MAP3K13: variants seen among roughly 807,000 people sequenced by gnomAD.
MAP3K13 encodes the protein leucine zipper-bearing kinase.
Under a neutral mutation model 104.0 loss-of-function variants are expected in MAP3K13, and 52 were observed. The ratio of observed to expected loss-of-function variants is 0.50; its 90% CI spans 0.40 to 0.63. The LOEUF is 0.63. MAP3K13 is among the 20% of genes least tolerant of loss of function. The probability of loss-of-function intolerance (pLI) is 0.00; values close to 1 mark genes in which losing one functional copy is unlikely to be tolerated. For missense variants in MAP3K13, 914 were observed against 1,218.5 expected, an observed-to-expected ratio of 0.75 and a Z score of 3.72; for synonymous variants, 394 against 442.2, an observed-to-expected ratio of 0.89 and a Z score of 1.37.
intron 4 of MAP3K13, among the ~76,000 whole-genome samples, chr3:185,443,999 C>T (rs921786816): frequency 6.6e-6 from 1 of 152,160 alleles, no homozygotes. Flanking sequence ...ACTTTTTAAA[C>T]TGAGTTTCAG....
At chr3:185,376,890 G>C (rs1044037450) in intron 1 of MAP3K13, among the ~76,000 whole-genome samples, 1 of 152,162 alleles carries the variant, frequency 6.6e-6, no homozygotes, top group South Asian at 2.1e-4. Context: ...AATGGGGGCT[G>C]TCTGTGAAGC....
intron 2 of MAP3K13, among the ~76,000 whole-genome samples, chr3:185,311,837 A>C (rs1174989961): frequency 6.6e-6 from 1 of 152,356 alleles, no homozygotes; most frequent in East Asian, 1.9e-4. Flanking sequence ...TAAAAGAAAA[A>C]AAAGGAAACA....
chr3:185,443,668 T>C (rs574698720), intron 4 of MAP3K13, 32 bp downstream of exon 4: 3 of 1,592,802 alleles, frequency 1.9e-6, no homozygotes, highest in Non-Finnish European at 2.6e-6. Flanking sequence ...TCAGCTATTT[T>C]GGTTTGTTGT....
intron 2 of MAP3K13, among the ~76,000 whole-genome samples, chr3:185,355,592 G>A (rs934471857): frequency 3.3e-5 from 5 of 152,110 alleles, no homozygotes; most frequent in Non-Finnish European, 5.9e-5. Flanking sequence ...CTGAGATCAC[G>A]CTGCTGTACT....
intron 1 of MAP3K13, among the ~76,000 whole-genome samples, chr3:185,378,005 G>T (rs573618935): frequency 3.5e-4 from 53 of 151,656 alleles, no homozygotes; most frequent in East Asian, 7.7e-4. Flanking sequence ...AGCTCCTGGG[G>T]TGGGGGGAGG....
chr3:185,384,705 G>C (rs1272158776), intron 1 of MAP3K13, among the ~76,000 whole-genome samples: 1 of 152,124 alleles, frequency 6.6e-6, no homozygotes, highest in African/African-American at 2.4e-5. Flanking sequence ...GGTAGTTAGT[G>C]ATGCTGAGCA....
In MAP3K13 at chr3:185,345,730, A is replaced by G. The variant is rs147902865; in HGVS notation, c.-86+60087A>G. Among the ~76,000 whole-genome samples, 486 of 152,248 alleles carry G rather than the reference A, an allele frequency of 3.2e-3. 3 individuals carry two copies. The highest frequency in any genetic ancestry group is 0.011 in the African/African-American group (451 of 41,532). ...AGCACAGGGCTCCCACTGATTCTAC[A>G]TTACTGTGAGTTGTGTAATTATTTC... On this transcript the variant is annotated intron_variant, in intron 2 of 14. Coordinates refer to the MAP3K13 transcript ENST00000424227.
At chr3:185,444,512 A>G (rs1382571139) in intron 4 of MAP3K13, among the ~76,000 whole-genome samples, 2 of 152,340 alleles carry the variant, frequency 1.3e-5, no homozygotes, top group Non-Finnish European at 2.9e-5. Context: ...GGAAATAAAC[A>G]ATTACAAGGT....
chr3:185,465,990 C>T (rs954216475), intron 9 of MAP3K13, 127 bp downstream of exon 9: 1 of 737,738 alleles, frequency 1.4e-6, no homozygotes, highest in African/African-American at 1.7e-5. Context: ...AACATTCCTT[C>T]CGGGATGTGC....
intron 4 of MAP3K13, among the ~76,000 whole-genome samples, chr3:185,445,076 C>A (rs1307634044): frequency 2.0e-5 from 1 of 49,206 alleles, no homozygotes; most frequent in African/African-American, 3.9e-5. Context: ...TTTATAATAT[C>A]TTAGGGGGAA....
chr3:185,422,154 A>G (rs980874289), intron 1 of MAP3K13, among the ~76,000 whole-genome samples: 4 of 152,168 alleles, frequency 2.6e-5, no homozygotes, highest in Non-Finnish European at 5.9e-5. Context: ...TTCCTTGGGA[A>G]TAGTTTTAGT....
In MAP3K13 at chr3:185,473,139, C is replaced by A. The variant is rs2148923120; in HGVS notation, c.1808C>A (p.Ala603Asp). 6.2e-7 allele frequency: 1 copy of A among 1,614,156 alleles called. No individual in the cohort carries two copies. Among genetic ancestry groups the A allele is most frequent in the South Asian group, 1.1e-5 (1 of 91,076 alleles). The change falls in exon 11 of 14, where the codon GCC becomes GAC. Residue 603 changes from alanine to aspartate, a missense_variant. Ala to Asp is a moderately radical substitution (Grantham distance 126). This residue lies in a region of MAP3K13 where 583 missense variants were observed against 737.4 expected (regional missense o/e 0.79). Coordinates refer to ENST00000265026, the MANE Select transcript of MAP3K13 (RefSeq NM_004721.5). This position sits in a 1 kb window ranked among gnomAD's most constrained non-coding sequence, Gnocchi z 4.9. Reference protein sequence around the residue: ...GNSRGSHSDFAAILKNQPAQE... With the variant: ...GNSRGSHSDFDAILKNQPAQE... ...AGCAGAGGCAGCCATAGTGACTTTG[C>A]CGCAATCTTGAAAAACCAGCCAGCC...
intron 2 of MAP3K13, among the ~76,000 whole-genome samples, chr3:185,312,802 A>G (rs558187867): frequency 2.0e-5 from 3 of 152,354 alleles, no homozygotes; most frequent in African/African-American, 7.2e-5. Flanking sequence ...AAGCAGCATG[A>G]TTATTAGAAG....
rs1718534725 is a variant in MAP3K13 at position 185,482,696 on chromosome 3, A to G, written c.*240A>G. The G allele has an allele frequency of 9.0e-6, 4 of 443,066 alleles. No homozygotes were observed. The South Asian group carries it at 1.6e-4, about 17-fold the overall frequency. The allele number at this position is 443,066 out of a possible 1,614,324, so 27.4% of individuals were successfully genotyped here. On this transcript the variant is annotated 3_prime_UTR_variant, in exon 14 of 14. Transcript: ENST00000265026. The surrounding 1 kb of genome is among the most constrained non-coding windows in gnomAD (Gnocchi z 4.5). ...TTTCAATCAAGAATGGCAGGGATCT[A>G]TTTTATTGAATATTCTAGCTACTGT...
intron 3 of MAP3K13, among the ~76,000 whole-genome samples, 191 bp downstream of exon 3, chr3:185,437,821 T>A (rs564911292): frequency 6.6e-6 from 1 of 152,220 alleles, no homozygotes; most frequent in Non-Finnish European, 1.5e-5. Flanking sequence ...ATCCAGTGGT[T>A]CATTTTGCCG....
At chr3:185,402,239 A>G (rs866791434) in intron 1 of MAP3K13, among the ~76,000 whole-genome samples, 1 of 152,218 alleles carries the variant, frequency 6.6e-6, no homozygotes, top group African/African-American at 2.4e-5. Context: ...GGGTATATCA[A>G]TGAAAGAAAA....
At chr3:185,289,336 A>G (rs923812196) in intron 2 of MAP3K13, among the ~76,000 whole-genome samples, 3 of 152,126 alleles carry the variant, frequency 2.0e-5, no homozygotes, top group East Asian at 1.9e-4. Context: ...TTCAAATCCT[A>G]AAAACTTTTT....
chr3:185,455,036 TGATATATATATGAGATATATGTGA>T (rs1716358299), intron 7 of MAP3K13, among the ~76,000 whole-genome samples: 3 of 113,850 alleles, frequency 2.6e-5, no homozygotes, highest in African/African-American at 6.5e-5. Flanking sequence ...GAGATATATA[TGATATATATATGAGATATATGTGA>T]GATATATATG....
intron 1 of MAP3K13, among the ~76,000 whole-genome samples, chr3:185,372,536 C>G (rs1577476119): frequency 6.6e-6 from 1 of 152,178 alleles, no homozygotes; most frequent in Non-Finnish European, 1.5e-5. Context: ...TTTCTCCAAT[C>G]AGGGCTTCCA....
Sources: gnomAD v4.1 joint callset for allele counts (sites outside exome capture counted in the v4.1 genomes callset) on GRCh38, gnomAD v4.1.1 for gene constraint, gnomAD v4.1.1 regional missense constraint, Gnocchi (gnomAD v3.1) non-coding constraint, MANE v1.5 for transcripts, NCBI Gene and HGNC (gene_info 2026-07-23, HGNC 2026-07-21) for gene names.